The following UBE2N variants were observed in gnomAD, a reference collection of about 807,000 sequenced individuals.
The protein encoded by UBE2N is ubiquitin conjugating enzyme E2 N.
For synonymous variants in UBE2N, 70 were observed against 69.2 expected (o/e 1.01, Z -0.06); for missense variants, 60 against 192.1 (o/e 0.31, Z 4.07).
intron 1 of UBE2N, chr12:93,424,335 G>A (rs1257672764): frequency 6.6e-6 from 1 of 152,142 alleles, no homozygotes; most frequent in Non-Finnish European, 1.5e-5. Context: ...TTTAATGCCT[G>A]AGGACTCCAT....
In UBE2N at chr12:93,406,609, C is replaced by CA; in HGVS notation, c.*3429dup. ...ATTCAAACAACCAGACAAAATATTC[C>CA]AAAAAACATTGTGTCTGTAGTCAAC... On this transcript the variant is annotated 3_prime_UTR_variant, in exon 4 of 4. Coordinates refer to ENST00000318066, the MANE Select transcript of UBE2N (RefSeq NM_003348.4). 1 of 152,054 alleles carries CA rather than the reference C, an allele frequency of 6.6e-6. No individual in the cohort carries two copies. The highest frequency in any genetic ancestry group is 1.9e-4 in the East Asian group (1 of 5,200). 9.4% of individuals were successfully genotyped at this position (152,054 alleles called of 1,614,324 possible).
At chr12:93,441,510 G>C (rs576693100) in intron 1 of UBE2N, among the ~76,000 whole-genome samples, 4 of 122,194 alleles carry the variant, frequency 3.3e-5, no homozygotes, top group African/African-American at 2.1e-4. Context: ...GCCTCCGGCG[G>C]GGGGGTGGTC....
chr12:93,418,290 G>A (rs1185649706), intron 1 of UBE2N, among the ~76,000 whole-genome samples: 1 of 152,118 alleles, frequency 6.6e-6, no homozygotes, highest in Non-Finnish European at 1.5e-5. Flanking sequence ...CCTGAGCCCA[G>A]GAGTTCAAGG....
intron 1 of UBE2N, among the ~76,000 whole-genome samples, chr12:93,415,955 T>C (rs1449954463): frequency 6.6e-6 from 1 of 152,226 alleles, no homozygotes; most frequent in South Asian, 2.1e-4. Flanking sequence ...CAAAATCAGA[T>C]ATTCTTTGTA....
chr12:93,410,987 A>G (rs1878017214), intron 2 of UBE2N, 66 bp downstream of exon 2: 1 of 1,613,788 alleles, frequency 6.2e-7, no homozygotes, highest in East Asian at 2.2e-5. Context: ...CATTCTAAAC[A>G]TGGAATGCTT....
At chr12:93,416,950 G>GTT in intron 1 of UBE2N, among the ~76,000 whole-genome samples, 1 of 149,994 alleles carries the variant, frequency 6.7e-6, no homozygotes, top group Admixed American at 6.7e-5. Flanking sequence ...AATGAATTTT[G>GTT]TGATTCTATT....
At chr12:93,441,773 AAGG>A (rs1879122618) in intron 1 of UBE2N, 79 bp downstream of exon 1, 1 of 1,544,050 alleles carries the variant, frequency 6.5e-7, no homozygotes, top group East Asian at 2.7e-5. Flanking sequence ...CCGCGGGCCG[AAGG>A]AGGCGAGAGG....
chr12:93,420,785 C>G (rs1878384505), intron 1 of UBE2N, among the ~76,000 whole-genome samples: 1 of 152,088 alleles, frequency 6.6e-6, no homozygotes, highest in Admixed American at 6.5e-5. Flanking sequence ...CAAATTGTCC[C>G]ACCAAGAAGA....
chr12:93,416,864 A>AG (rs1459999950), intron 1 of UBE2N, among the ~76,000 whole-genome samples: 1 of 151,744 alleles, frequency 6.6e-6, no homozygotes, highest in African/African-American at 2.4e-5. Context: ...TACCAAAAAA[A>AG]AAAAAAAAAA....
chr12:93,435,661 T>C (rs1878912822), intron 1 of UBE2N, among the ~76,000 whole-genome samples: 1 of 152,078 alleles, frequency 6.6e-6, no homozygotes, highest in African/African-American at 2.4e-5. Flanking sequence ...AAATCACTTT[T>C]CTTACAAAAA....
intron 1 of UBE2N, among the ~76,000 whole-genome samples, chr12:93,425,914 G>T (rs908229121): frequency 1.3e-5 from 2 of 152,166 alleles, no homozygotes; most frequent in East Asian, 3.8e-4. Flanking sequence ...TTAAAAAAGT[G>T]ATCATTGCCT....
intron 1 of UBE2N, among the ~76,000 whole-genome samples, chr12:93,431,761 C>G (rs1214403469): frequency 6.6e-6 from 1 of 152,206 alleles, no homozygotes; most frequent in Non-Finnish European, 1.5e-5. Flanking sequence ...AGTCATTAAA[C>G]AGTAATAATT....
intron 1 of UBE2N, among the ~76,000 whole-genome samples, chr12:93,418,741 AAAAG>A (rs1878301659): frequency 6.6e-6 from 1 of 152,220 alleles, no homozygotes; most frequent in African/African-American, 2.4e-5. Context: ...TAAAAAAGTA[AAAAG>A]AAACAAGTAA....
rs1157446222 is a variant in UBE2N at position 93,406,246 on chromosome 12, C to T, written c.*3793G>A. 1 of 105,918 alleles carries T rather than the reference C, an allele frequency of 9.4e-6. No individual in the cohort carries two copies. The highest frequency in any genetic ancestry group is 1.7e-5 in the Non-Finnish European group (1 of 57,182). 6.6% of individuals were successfully genotyped at this position (105,918 alleles called of 1,614,324 possible). ...TCATGCCACAGCACTCCAGCCTAAA[C>T]TACAGAGCTAGAAAGTGGCTAGAGC... On this transcript the variant is annotated 3_prime_UTR_variant, in exon 4 of 4. Coordinates refer to ENST00000318066, the MANE Select transcript of UBE2N (RefSeq NM_003348.4).
chr12:93,429,263 C>CT, intron 1 of UBE2N: 1 of 396,484 alleles, frequency 2.5e-6, no homozygotes, highest in South Asian at 1.9e-5. Context: ...GAGGGAGACT[C>CT]TGTCTCAAAA....
intron 1 of UBE2N, among the ~76,000 whole-genome samples, chr12:93,421,214 G>T (rs1472788534): frequency 7.1e-6 from 1 of 141,470 alleles, no homozygotes; most frequent in Admixed American, 7.0e-5. Context: ...TTTTGGGGGG[G>T]CTGGGGGGAC....
chr12:93,439,256 A>G (rs547158255), intron 1 of UBE2N, among the ~76,000 whole-genome samples: 31 of 152,296 alleles, frequency 2.0e-4, no homozygotes, highest in African/African-American at 7.0e-4. Context: ...GGAGGCTGAA[A>G]TGGGTGGATT....
intron 1 of UBE2N, among the ~76,000 whole-genome samples, chr12:93,434,437 T>C (rs542985062): frequency 1.5e-4 from 23 of 152,344 alleles, no homozygotes; most frequent in African/African-American, 4.8e-4. Flanking sequence ...CAAAACTTAA[T>C]TTCACTTGTG....
rs1198059794 is a variant in UBE2N at position 93,406,511 on chromosome 12, A to G, written c.*3528T>C. On this transcript the variant is annotated 3_prime_UTR_variant, in exon 4 of 4. Transcript: ENST00000318066. The stretch of plus-strand genomic sequence containing the variant: ...TTAAGTGCTTCTTTGAAATTGTTTT[A>G]CAAGTACATTCTTGGTCTAGAGTAA... 1.3e-5 allele frequency: 2 copies of G among 152,126 alleles called. No homozygotes were observed. Among genetic ancestry groups the G allele is most frequent in the African/African-American group, 2.4e-5 (1 of 41,404 alleles). 9.4% of individuals were successfully genotyped at this position (152,126 alleles called of 1,614,324 possible). A position where few individuals can be genotyped will look rare whatever the true frequency, so the allele number is the denominator to read the frequency against.
Sources: allele counts gnomAD v4.1 joint callset (sites outside exome capture counted in the v4.1 genomes callset), GRCh38; gene constraint gnomAD v4.1.1; transcripts MANE v1.5; gene names NCBI Gene and HGNC (gene_info 2026-07-23, HGNC 2026-07-21).